The following SPATA6 variants were observed in gnomAD, a reference collection of about 807,000 sequenced individuals.
The protein encoded by SPATA6 is spermatogenesis-associated protein 6.
In SPATA6, 56 loss-of-function variants were observed where a neutral mutation model predicts 65.3. The observed-to-expected ratio is 0.86, with a 90% CI of 0.69 to 1.07. SPATA6 has a LOEUF of 1.07. Among genes scored for constraint, SPATA6 ranks in the 50% least tolerant of loss-of-function variants. The pLI, the probability that SPATA6 is intolerant of heterozygous loss-of-function variation, is 0.00. For missense variants in SPATA6, 590 were observed against 594.8 expected (o/e 0.99, Z 0.08); for synonymous variants, 199 against 213.2 (o/e 0.93, Z 0.58).
chr1:48,285,614 T>C, the SPATA6 span, among the ~76,000 whole-genome samples: 2 of 151,972 alleles, frequency 1.3e-5, no homozygotes, highest in South Asian at 2.1e-4. Flanking sequence ...GCGAAGATCA[T>C]AGTAAAAGAA....
intron 5 of SPATA6, among the ~76,000 whole-genome samples, chr1:48,407,170 T>A (rs541909299): frequency 1.3e-5 from 2 of 152,188 alleles, no homozygotes; most frequent in African/African-American, 2.4e-5. Flanking sequence ...AGTGAACCCA[T>A]AGGAGTCCTA....
chr1:48,354,304 TG>T (rs1355567763), intron 11 of SPATA6, among the ~76,000 whole-genome samples: 1 of 152,130 alleles, frequency 6.6e-6, no homozygotes, highest in Non-Finnish European at 1.5e-5. Context: ...GGAGTGTAAC[TG>T]TTAAAACCAT....
chr1:48,328,077 A>AT (rs1285525851), intron 11 of SPATA6, among the ~76,000 whole-genome samples: 1 of 152,188 alleles, frequency 6.6e-6, no homozygotes, highest in Non-Finnish European at 1.5e-5. Flanking sequence ...CAAATTACCA[A>AT]TAAGTACATG....
At chr1:48,269,233 A>G in the SPATA6 span, among the ~76,000 whole-genome samples, 1 of 152,142 alleles carries the variant, frequency 6.6e-6, no homozygotes, top group Middle Eastern at 3.2e-3. Flanking sequence ...CCCAAGTACT[A>G]TCTCTACTGA....
chr1:48,391,786 T>C lies in SPATA6; in HGVS notation c.868+3481A>G, dbSNP rs3767617. The stretch of plus-strand genomic sequence containing the variant: ...CTAAGTCAGAATGGTATAATAATTA[T>C]AATATAAAAAAGTTATACCAGAGAG... On this transcript the variant is annotated intron_variant, in intron 8 of 12. Transcript: ENST00000371847. 0.02 allele frequency among the ~76,000 whole-genome samples: 3,001 copies of C among 151,832 alleles called. 122 individuals are homozygous for C. The East Asian group carries it at 0.2, about 10-fold the overall frequency.
rs1000578662 is a variant in SPATA6 at position 48,297,288 on chromosome 1, T to C, written c.*1425A>G. ...AGAACATAGTTTGGGGTCTACTACA[T>C]TCTTATCATTTGATAGCTGAGGAAA... On this transcript the variant is annotated 3_prime_UTR_variant, in exon 13 of 13. Coordinates refer to ENST00000371847, the MANE Select transcript of SPATA6 (RefSeq NM_019073.4). 2 of 152,238 alleles carry C rather than the reference T, an allele frequency of 1.3e-5. No homozygotes were observed. The highest frequency in any genetic ancestry group is 6.5e-5 in the Admixed American group (1 of 15,270). The allele number at this position is 152,238 out of a possible 1,614,324, so 9.4% of individuals were successfully genotyped here.
chr1:48,273,165 C>T, the SPATA6 span, among the ~76,000 whole-genome samples: 1 of 152,076 alleles, frequency 6.6e-6, no homozygotes, highest in East Asian at 1.9e-4. Flanking sequence ...CTTTTGTTAT[C>T]ATATCCAAAA....
intron 11 of SPATA6, among the ~76,000 whole-genome samples, chr1:48,335,490 C>A (rs911621273): frequency 7.9e-5 from 12 of 152,054 alleles, no homozygotes; most frequent in African/African-American, 2.9e-4. Context: ...AAGCCACTCA[C>A]CTACAGCCAT....
At chr1:48,426,984 A>T (rs2148040388) in intron 3 of SPATA6, among the ~76,000 whole-genome samples, 1 of 152,066 alleles carries the variant, frequency 6.6e-6, no homozygotes, top group Non-Finnish European at 1.5e-5. Flanking sequence ...GGAGTACAGT[A>T]GCATAATCAT....
intron 11 of SPATA6, among the ~76,000 whole-genome samples, chr1:48,345,715 C>T (rs559386942): frequency 2.1e-4 from 32 of 152,228 alleles, no homozygotes; most frequent in African/African-American, 7.7e-4. Flanking sequence ...ATGAACACCT[C>T]TATGCACATA....
chr1:48,421,893 T>C (rs1291930094), intron 3 of SPATA6, among the ~76,000 whole-genome samples: 2 of 151,912 alleles, frequency 1.3e-5, no homozygotes, highest in African/African-American at 4.9e-5. Flanking sequence ...AATGTAAAAA[T>C]GGCAATTCTC....
chr1:48,264,647 C>A, the SPATA6 span, among the ~76,000 whole-genome samples: 24 of 152,230 alleles, frequency 1.6e-4, no homozygotes, highest in African/African-American at 5.5e-4. Flanking sequence ...TGTTAGTTTG[C>A]TGAGGATGAT....
chr1:48,294,355 G>T (rs1442556616), downstream of SPATA6, among the ~76,000 whole-genome samples: 2 of 152,156 alleles, frequency 1.3e-5, no homozygotes, highest in African/African-American at 4.8e-5. Flanking sequence ...GGGATTACAG[G>T]CGTGAGCCAC....
At chr1:48,272,830 G>A in the SPATA6 span, among the ~76,000 whole-genome samples, 1 of 152,142 alleles carries the variant, frequency 6.6e-6, no homozygotes, top group African/African-American at 2.4e-5. Context: ...ATTCTAACCT[G>A]TGGGAGGTGA....
chr1:48,326,190 A>G (rs1645755165), intron 11 of SPATA6: 1 of 152,498 alleles, frequency 6.6e-6, no homozygotes, highest in Non-Finnish European at 1.5e-5. Context: ...GTGTACAAAA[A>G]TTAGTTACAT....
In SPATA6 at chr1:48,298,442, A is replaced by C. The variant is rs1158346030; in HGVS notation, c.*271T>G. ...TTTGCAGATGGAATATGAGGTGTAC[A>C]TGTAACAGAATATCCTTGTCACATA... is the stretch of plus-strand genomic sequence containing the variant. On this transcript the variant is annotated 3_prime_UTR_variant, in exon 13 of 13. Transcript: ENST00000371847. The C allele has an allele frequency of 7.2e-6, 2 of 277,550 alleles. No individual in the cohort carries two copies. Among genetic ancestry groups the C allele is most frequent in the African/African-American group, 4.3e-5 (2 of 45,978 alleles). 17.2% of individuals were successfully genotyped at this position (277,550 alleles called of 1,614,324 possible).
intron 11 of SPATA6, among the ~76,000 whole-genome samples, chr1:48,329,684 C>T (rs1179562381): frequency 6.6e-6 from 1 of 152,168 alleles, no homozygotes; most frequent in African/African-American, 2.4e-5. Context: ...GCAGGCCGCT[C>T]ATATGAGAAA....
intron 11 of SPATA6, among the ~76,000 whole-genome samples, chr1:48,313,434 C>T (rs1309491236): frequency 6.6e-6 from 1 of 152,140 alleles, no homozygotes; most frequent in Admixed American, 6.5e-5. Context: ...ATTTCATATC[C>T]AGCCAAACTA....
chr1:48,376,712 C>G (rs1285533906), intron 9 of SPATA6, among the ~76,000 whole-genome samples: 1 of 151,980 alleles, frequency 6.6e-6, no homozygotes, highest in African/African-American at 2.4e-5. Context: ...CGTCATTAGG[C>G]GATTTTGTCA....
Sources: gnomAD v4.1 joint callset for allele counts (sites outside exome capture counted in the v4.1 genomes callset) on GRCh38, gnomAD v4.1.1 for gene constraint, MANE v1.5 for transcripts, NCBI Gene and HGNC (gene_info 2026-07-23, HGNC 2026-07-21) for gene names.